The following VPS37A variants were observed in gnomAD, a reference collection of about 807,000 sequenced individuals.
VPS37A encodes vacuolar protein sorting-associated protein 37A.
A neutral mutation model predicts 49.8 loss-of-function variants in VPS37A; 30 were observed. The ratio of observed to expected loss-of-function variants is 0.60; its 90% confidence interval spans 0.45 to 0.82. VPS37A has a LOEUF of 0.82. Ranked by LOEUF, VPS37A falls within the 40% of genes least tolerant of loss-of-function variation. The pLI is 0.00. For missense variants in VPS37A, 593 were observed against 464.4 expected, an observed-to-expected ratio of 1.28 and a Z score of -2.55; for synonymous variants, 195 against 160.6, an observed-to-expected ratio of 1.21 and a Z score of -1.62.
chr8:17,293,156 T>C (rs951674827), intron 11 of VPS37A, among the ~76,000 whole-genome samples: 4 of 152,036 alleles, frequency 2.6e-5, no homozygotes, highest in Admixed American at 6.6e-5. Flanking sequence ...TTCCTTTTTA[T>C]TCTTTTTTCT....
the VPS37A span, among the ~76,000 whole-genome samples, chr8:17,319,757 A>AGGCTCCAGTCT: frequency 9.2e-5 from 14 of 152,302 alleles, no homozygotes; most frequent in Admixed American, 9.2e-4. Context: ...TGGTGAGACG[A>AGGCTCCAGTCT]GGCTCCAGTC....
At position 17,297,987 on chromosome 8, in the gene VPS37A, T is replaced by C. The variant is rs1816836807; in HGVS notation, c.*3001T>C. ...TTTAAAACATCAAATATTTATACTA[T>C]TTGCTTTTCAAATAAAAGCATAGTG... On this transcript the variant is annotated 3_prime_UTR_variant, in exon 12 of 12. Transcript: ENST00000324849. The C allele has an allele frequency of 6.6e-6, 1 of 152,116 alleles. No individual in the cohort carries two copies. Among genetic ancestry groups the C allele is most frequent in the Non-Finnish European group, 1.5e-5 (1 of 67,928 alleles). The allele number at this position is 152,116 out of a possible 1,614,324, so 9.4% of individuals were successfully genotyped here.
At chr8:17,252,120 A>G (rs1812038349) in intron 1 of VPS37A, among the ~76,000 whole-genome samples, 1 of 152,228 alleles carries the variant, frequency 6.6e-6, no homozygotes, top group Non-Finnish European at 1.5e-5. Context: ...AAAAGCATTT[A>G]TTATCAACAG....
chr8:17,279,993 G>C, intron 6 of VPS37A, 35 bp from the exon 7 acceptor site: 1 of 1,607,146 alleles, frequency 6.2e-7, no homozygotes, highest in Non-Finnish European at 8.5e-7. Flanking sequence ...CTCGATGTCT[G>C]ATATTTATTG....
chr8:17,331,989 GT>G, the VPS37A span, among the ~76,000 whole-genome samples: 1 of 152,208 alleles, frequency 6.6e-6, no homozygotes, highest in Non-Finnish European at 1.5e-5. Flanking sequence ...ATCTGAAGAA[GT>G]TTATTAAATC....
intron 11 of VPS37A, among the ~76,000 whole-genome samples, chr8:17,289,223 C>G (rs1196475169): frequency 6.6e-6 from 1 of 152,112 alleles, no homozygotes; most frequent in Non-Finnish European, 1.5e-5. Flanking sequence ...TCTCATTTGT[C>G]CATTTTGGCT....
chr8:17,323,081 G>A, the VPS37A span, among the ~76,000 whole-genome samples: 1 of 151,150 alleles, frequency 6.6e-6, no homozygotes, highest in Non-Finnish European at 1.5e-5. Flanking sequence ...CTGAGTAGCT[G>A]GGACTACAGG....
At chr8:17,310,905 G>C in the VPS37A span, among the ~76,000 whole-genome samples, 1 of 152,118 alleles carries the variant, frequency 6.6e-6, no homozygotes, top group East Asian at 1.9e-4. Context: ...ACCATCCCAG[G>C]CAACTATATA....
intron 1 of VPS37A, chr8:17,247,940 CAT>C: frequency 1.7e-6 from 1 of 599,894 alleles, no homozygotes; most frequent in Non-Finnish European, 3.0e-6. Context: ...GCGACCAGTG[CAT>C]GTACATTTCT....
chr8:17,302,551 A>G, downstream of VPS37A: 2 of 305,984 alleles, frequency 6.5e-6, no homozygotes, highest in East Asian at 5.4e-5. Flanking sequence ...TTAAAATAGT[A>G]CATGTAACCA....
At chr8:17,300,669 G>T (rs1198808495), downstream of VPS37A, among the ~76,000 whole-genome samples, 1 of 152,118 alleles carries the variant, frequency 6.6e-6, no homozygotes, top group African/African-American at 2.4e-5. Context: ...GTGGTTTTTA[G>T]TTATATTCAC....
At chr8:17,332,882 C>T in the VPS37A span, among the ~76,000 whole-genome samples, 1 of 152,020 alleles carries the variant, frequency 6.6e-6, no homozygotes. Flanking sequence ...AAAACGGTAC[C>T]AATTTGGCAG....
the VPS37A span, among the ~76,000 whole-genome samples, chr8:17,333,340 C>T: frequency 2.0e-5 from 3 of 152,328 alleles, no homozygotes; most frequent in Admixed American, 6.5e-5. Context: ...TACCTATAGA[C>T]ATTGTTCTTC....
the VPS37A span, among the ~76,000 whole-genome samples, chr8:17,330,150 T>C: frequency 6.6e-6 from 1 of 152,318 alleles, no homozygotes; most frequent in African/African-American, 2.4e-5. Flanking sequence ...GACACTCAGA[T>C]TTCTCCAACC....
chr8:17,303,996 C>T (rs920884747), downstream of VPS37A, among the ~76,000 whole-genome samples: 6 of 152,092 alleles, frequency 3.9e-5, no homozygotes, highest in Non-Finnish European at 7.4e-5. Context: ...TGTTGTATAA[C>T]GGCAAAAACC....
At position 17,296,898 on chromosome 8, in the gene VPS37A, G is replaced by C. The variant is rs1005058873; in HGVS notation, c.*1912G>C. 4 of 152,132 alleles carry C rather than the reference G, an allele frequency of 2.6e-5. No homozygotes were observed. Among genetic ancestry groups the C allele is most frequent in the Non-Finnish European group, 4.4e-5 (3 of 68,010 alleles). The allele number at this position is 152,132 out of a possible 1,614,324, so 9.4% of individuals were successfully genotyped here. A position where few individuals can be genotyped will look rare whatever the true frequency, so the allele number is the denominator to read the frequency against. ...TACAACCCAGTCATGAAACAGAGCA[G>C]TGTGATCAGTTATCTGCATTTAACA... On this transcript the variant is annotated 3_prime_UTR_variant, in exon 12 of 12. Coordinates refer to ENST00000324849, the MANE Select transcript of VPS37A (RefSeq NM_152415.3).
At chr8:17,250,880 T>G (rs1400751758) in intron 1 of VPS37A, among the ~76,000 whole-genome samples, 1 of 152,144 alleles carries the variant, frequency 6.6e-6, no homozygotes. Context: ...TTAACCAAAG[T>G]GTTTAAGTCA....
chr8:17,265,028 G>C (rs187504521), intron 1 of VPS37A, among the ~76,000 whole-genome samples: 5 of 152,250 alleles, frequency 3.3e-5, no homozygotes, highest in African/African-American at 9.6e-5. Flanking sequence ...GCTAAAACAA[G>C]ATAAAAGTTT....
At chr8:17,262,892 C>G (rs1416064061) in intron 1 of VPS37A, among the ~76,000 whole-genome samples, 8 of 151,838 alleles carry the variant, frequency 5.3e-5, no homozygotes, top group Admixed American at 1.3e-4. Flanking sequence ...GAAACCCCGT[C>G]TCTACTAAAA....
Sources: gnomAD v4.1 joint callset for allele counts (sites outside exome capture counted in the v4.1 genomes callset) on GRCh38, gnomAD v4.1.1 for gene constraint, MANE v1.5 for transcripts, NCBI Gene and HGNC (gene_info 2026-07-23, HGNC 2026-07-21) for gene names.